TNRC6C: variants seen among roughly 807,000 people sequenced by gnomAD.
TNRC6C encodes trinucleotide repeat containing adaptor 6C.
TNRC6C carries 20 observed loss-of-function variants against 153.7 expected under a neutral mutation model. That is an observed-to-expected ratio of 0.13 (90% CI 0.09 to 0.19). The LOEUF (loss-of-function observed/expected upper bound fraction) is 0.19, where lower values mean the gene tolerates loss of function less well. Ranked by LOEUF, TNRC6C falls within the 10% of genes least tolerant of loss-of-function variation. The pLI, the probability that TNRC6C is intolerant of heterozygous loss-of-function variation, is 1.00. For missense variants in TNRC6C, 1,987 were observed against 2,172.0 expected, an observed-to-expected ratio of 0.91 and a Z score of 1.69; for synonymous variants, 811 against 841.4, an observed-to-expected ratio of 0.96 and a Z score of 0.63.
At chr17:78,022,743 A>G (rs957847344) in intron 1 of TNRC6C, among the ~76,000 whole-genome samples, 1 of 152,216 alleles carries the variant, frequency 6.6e-6, no homozygotes, top group African/African-American at 2.4e-5. Flanking sequence ...TTAAAAGGCA[A>G]AATGACAAGT....
At chr17:78,028,215 G>A (rs1051889034) in intron 1 of TNRC6C, among the ~76,000 whole-genome samples, 2 of 152,138 alleles carry the variant, frequency 1.3e-5, no homozygotes, top group African/African-American at 4.8e-5. Flanking sequence ...GTTTTTACTT[G>A]ATGGCTTTTA....
chr17:78,072,434 T>C (rs1178060660), intron 6 of TNRC6C, among the ~76,000 whole-genome samples: 2 of 152,232 alleles, frequency 1.3e-5, no homozygotes, highest in Admixed American at 6.5e-5. Context: ...ACATAGTTGC[T>C]GGGACTAGAG....
intron 1 of TNRC6C, among the ~76,000 whole-genome samples, chr17:77,977,182 T>G (rs997299391): frequency 9.9e-5 from 15 of 152,134 alleles, no homozygotes; most frequent in Non-Finnish European, 1.6e-4. Context: ...GGATTCATGT[T>G]TAGTTTATCT....
At chr17:77,985,229 T>C (rs2071145562) in intron 1 of TNRC6C, among the ~76,000 whole-genome samples, 1 of 152,172 alleles carries the variant, frequency 6.6e-6, no homozygotes, top group African/African-American at 2.4e-5. Context: ...GTTTCCTTGC[T>C]AGCTGTCAGA....
chr17:77,995,039 A>C (rs1444019892), intron 1 of TNRC6C, among the ~76,000 whole-genome samples: 1 of 152,258 alleles, frequency 6.6e-6, no homozygotes, highest in African/African-American at 2.4e-5. Flanking sequence ...GAACAGGGAA[A>C]GGTGACTGTC....
exon 3 of TNRC6C, chr17:78,050,536 A>G: frequency 6.2e-7 from 1 of 1,613,814 alleles, no homozygotes; most frequent in Non-Finnish European, 8.5e-7. Flanking sequence ...CTCAGGGGGG[A>G]AGAACGATGG....
intron 1 of TNRC6C, among the ~76,000 whole-genome samples, chr17:78,031,107 A>T (rs540968519): frequency 1.4e-5 from 2 of 145,816 alleles, no homozygotes; most frequent in South Asian, 2.2e-4. Context: ...TCTCACACTT[A>T]AAAAAAAAAA....
At chr17:78,089,545 T>G (rs1212633935) in intron 13 of TNRC6C, among the ~76,000 whole-genome samples, 2 of 152,118 alleles carry the variant, frequency 1.3e-5, no homozygotes, top group African/African-American at 4.8e-5. Flanking sequence ...CAGCCCATGG[T>G]CAGTAGTGGG....
At chr17:77,968,176 G>A (rs1396803919) in intron 1 of TNRC6C, among the ~76,000 whole-genome samples, 1 of 152,178 alleles carries the variant, frequency 6.6e-6, no homozygotes, top group East Asian at 1.9e-4. Flanking sequence ...GGGATTACAG[G>A]TGCCTGCCAC....
At chr17:78,010,707 T>C (rs1424068374) in intron 1 of TNRC6C, among the ~76,000 whole-genome samples, 4 of 152,224 alleles carry the variant, frequency 2.6e-5, no homozygotes, top group African/African-American at 4.8e-5. Context: ...ATATTAGATA[T>C]GTCTTTCTTT....
At chr17:78,026,282 G>C (rs2071940691) in intron 1 of TNRC6C, among the ~76,000 whole-genome samples, 1 of 152,168 alleles carries the variant, frequency 6.6e-6, no homozygotes. Flanking sequence ...ACACAATGCT[G>C]AGTGCTGTGC....
At chr17:77,962,086 A>G (rs2058279401) in intron 1 of TNRC6C, among the ~76,000 whole-genome samples, 1 of 152,150 alleles carries the variant, frequency 6.6e-6, no homozygotes, top group African/African-American at 2.4e-5. Flanking sequence ...CCCCAATTGA[A>G]GGGGATGAGG....
intron 4 of TNRC6C, chr17:78,066,247 G>A (rs1052667336): frequency 2.7e-5 from 4 of 150,606 alleles, no homozygotes; most frequent in East Asian, 1.9e-4. Context: ...AAAAAAATTC[G>A]TTGTTCACAT....
At chr17:77,964,026 G>A (rs2070879903) in intron 1 of TNRC6C, among the ~76,000 whole-genome samples, 1 of 152,042 alleles carries the variant, frequency 6.6e-6, no homozygotes, top group African/African-American at 2.4e-5. Flanking sequence ...TATGATCACT[G>A]GGCCACACAC....
intron 1 of TNRC6C, among the ~76,000 whole-genome samples, chr17:77,994,756 AAAAC>A (rs1010635685): frequency 5.3e-5 from 8 of 152,232 alleles, no homozygotes; most frequent in African/African-American, 7.2e-5. Flanking sequence ...AAAAAAAACA[AAAAC>A]AAAACAACAG....
intron 11 of TNRC6C, among the ~76,000 whole-genome samples, chr17:78,086,028 C>T (rs1217927117): frequency 6.6e-6 from 1 of 151,890 alleles, no homozygotes; most frequent in Non-Finnish European, 1.5e-5. Flanking sequence ...TGCTCTGTGC[C>T]TCCAGAATAT....
chr17:78,100,690 T>G (rs954652206), intron 17 of TNRC6C, among the ~76,000 whole-genome samples: 2 of 152,154 alleles, frequency 1.3e-5, no homozygotes, highest in Non-Finnish European at 2.9e-5. Flanking sequence ...CCCATTGTCT[T>G]AGGGATTAAC....
chr17:78,105,308 A>G (rs2073672806), exon 20 of TNRC6C: 1 of 154,254 alleles, frequency 6.5e-6, no homozygotes, highest in African/African-American at 2.4e-5. Flanking sequence ...TCTGGTGTGG[A>G]CCGCCGGGCG....
chr17:78,061,660 C>T (rs1388127580), intron 3 of TNRC6C, among the ~76,000 whole-genome samples: 1 of 152,094 alleles, frequency 6.6e-6, no homozygotes, highest in Admixed American at 6.5e-5. Flanking sequence ...CACTTCAGCC[C>T]AGGCAACGTA....
Sources: allele counts gnomAD v4.1 joint callset (sites outside exome capture counted in the v4.1 genomes callset), GRCh38; gene constraint gnomAD v4.1.1; transcripts MANE v1.5; gene names NCBI Gene and HGNC (gene_info 2026-07-23, HGNC 2026-07-21).